The following THSD7A variants were observed in gnomAD, a reference collection of about 807,000 sequenced individuals.
THSD7A encodes the protein thrombospondin type-1 domain-containing protein 7A.
In THSD7A, 96 loss-of-function variants were observed where a neutral mutation model predicts 231.3. The ratio of observed to expected loss-of-function variants is 0.41; its 90% CI spans 0.35 to 0.49. The LOEUF (loss-of-function observed/expected upper bound fraction) is 0.49. Ranked by LOEUF, THSD7A falls within the 20% of genes least tolerant of loss-of-function variation. The pLI is 0.05. For missense variants in THSD7A, 2,290 were observed against 2,070.2 expected, an observed-to-expected ratio of 1.11 and a Z score of -2.06; for synonymous variants, 940 against 743.3, an observed-to-expected ratio of 1.26 and a Z score of -4.30.
chr7:11,570,940 G>C (rs1790601271), intron 4 of THSD7A, among the ~76,000 whole-genome samples: 1 of 152,146 alleles, frequency 6.6e-6, no homozygotes, highest in Non-Finnish European at 1.5e-5. Context: ...TTTAATTCTT[G>C]TATTCTTATT....
At chr7:11,725,338 T>C (rs536329919) in intron 1 of THSD7A, among the ~76,000 whole-genome samples, 2 of 152,106 alleles carry the variant, frequency 1.3e-5, no homozygotes, top group East Asian at 3.9e-4. Context: ...CTGAGCTTGC[T>C]TATGCTTTGA....
At chr7:11,723,205 T>C (rs1183761291) in intron 1 of THSD7A, among the ~76,000 whole-genome samples, 2 of 151,716 alleles carry the variant, frequency 1.3e-5, no homozygotes, top group Admixed American at 1.3e-4. Context: ...AAACCATCAT[T>C]CTCAGCAAAC....
chr7:11,545,546 C>A (rs1403200834), intron 4 of THSD7A, among the ~76,000 whole-genome samples: 2 of 152,102 alleles, frequency 1.3e-5, no homozygotes, highest in Admixed American at 6.5e-5. Flanking sequence ...AGAGGGAGAA[C>A]ATAGAACCTG....
chr7:11,393,062 G>GTA (rs1783046568), intron 23 of THSD7A, among the ~76,000 whole-genome samples: 1 of 152,224 alleles, frequency 6.6e-6, no homozygotes, highest in African/African-American at 2.4e-5. Flanking sequence ...CTCTCCCGAA[G>GTA]TGGGTCCCTG....
rs553004134 is a variant in THSD7A, at chr7:11,731,381, G to T, written c.191-94420C>A. ...CAGAAAATAGATTCTTCTTAATAAG[G>T]TCTTATTAACTTGGAAGAGATTTGT... is the stretch of plus-strand genomic sequence containing the variant. On this transcript the variant is annotated intron_variant, in intron 1 of 27. Coordinates refer to ENST00000423059, the MANE Select transcript of THSD7A (RefSeq NM_015204.3). 4.6e-5 allele frequency among the ~76,000 whole-genome samples: 7 copies of T among 151,614 alleles called. No individual in the cohort carries two copies. The East Asian group carries it at 1.4e-3, about 30-fold the overall frequency.
chr7:11,776,370 A>G, intron 1 of THSD7A, among the ~76,000 whole-genome samples: 1 of 152,234 alleles, frequency 6.6e-6, no homozygotes, highest in East Asian at 1.9e-4. Context: ...CTGTGACTAC[A>G]ATGCCTGCAA....
At chr7:11,777,445 AC>A (rs1583282249) in intron 1 of THSD7A, among the ~76,000 whole-genome samples, 1 of 123,516 alleles carries the variant, frequency 8.1e-6, no homozygotes, top group East Asian at 3.5e-4. Context: ...ACACACACAC[AC>A]ACACACACAC....
rs572350965 is a variant in THSD7A, at chr7:11,585,854, C to A, written c.1453+4606G>T. Among the ~76,000 whole-genome samples the A allele has an allele frequency of 2.0e-5, 3 of 152,206 alleles. No homozygotes were observed. In the East Asian group the frequency reaches 5.8e-4, roughly 29 times the overall value. ...ACATCTCTGAGGCATGTGAGCAAAC[C>A]AAAATACCCAGAGAAAACCCATGCA... is the stretch of plus-strand genomic sequence containing the variant. On this transcript the variant is annotated intron_variant, in intron 4 of 27. Coordinates refer to ENST00000423059, the MANE Select transcript of THSD7A (RefSeq NM_015204.3).
In THSD7A at chr7:11,615,456, C is replaced by G. The variant is rs117300977; in HGVS notation, c.1022+20674G>C. 3.9e-3 allele frequency among the ~76,000 whole-genome samples: 591 copies of G among 152,314 alleles called. 4 individuals carry two copies. Among genetic ancestry groups the G allele is most frequent in the South Asian group, 0.024 (118 of 4,826 alleles). On this transcript the variant is annotated intron_variant, in intron 2 of 27. Transcript: ENST00000423059. ...CCTTGACTCCCCCAGGAATTCTGCA[C>G]TCTGCCTATCCTCAGTAATAAACCC...
intron 6 of THSD7A, among the ~76,000 whole-genome samples, chr7:11,533,336 G>C (rs1392930195): frequency 6.6e-6 from 1 of 152,074 alleles, no homozygotes; most frequent in Non-Finnish European, 1.5e-5. Context: ...AGCTCAGAAT[G>C]AAAGAATCAA....
chr7:11,656,373 A>G (rs1016938717), intron 1 of THSD7A, among the ~76,000 whole-genome samples: 3 of 151,876 alleles, frequency 2.0e-5, no homozygotes, highest in Non-Finnish European at 4.4e-5. Context: ...GTGGGCATTC[A>G]CTACCAAATG....
intron 1 of THSD7A, among the ~76,000 whole-genome samples, chr7:11,771,073 T>G (rs1783213361): frequency 3.3e-5 from 5 of 151,066 alleles, no homozygotes; most frequent in Admixed American, 1.3e-4. Flanking sequence ...CATAGATCAA[T>G]TTTTCAACTT....
intron 26 of THSD7A, chr7:11,378,173 T>C (rs1562559762): frequency 1.3e-5 from 2 of 152,210 alleles, no homozygotes; most frequent in Non-Finnish European, 2.9e-5. Context: ...GTGCTAGCTA[T>C]GCAGATTCCT....
At chr7:11,417,072 A>C (rs1472912731) in intron 17 of THSD7A, among the ~76,000 whole-genome samples, 1 of 152,244 alleles carries the variant, frequency 6.6e-6, no homozygotes, top group African/African-American at 2.4e-5. Flanking sequence ...GCAATGGATG[A>C]GAATAACCTG....
At chr7:11,716,825 C>T (rs375633888) in intron 1 of THSD7A, among the ~76,000 whole-genome samples, 19 of 151,512 alleles carry the variant, frequency 1.3e-4, no homozygotes, top group East Asian at 3.9e-4. Context: ...TGCTTTTATA[C>T]TACTACTACT....
intron 1 of THSD7A, chr7:11,751,366 A>G (rs1471078978): frequency 6.6e-6 from 1 of 152,048 alleles, no homozygotes; most frequent in Non-Finnish European, 1.5e-5. Context: ...CATCAACACT[A>G]GAAAAAGTGT....
At chr7:11,573,194 T>C (rs533736836) in intron 4 of THSD7A, among the ~76,000 whole-genome samples, 3 of 152,298 alleles carry the variant, frequency 2.0e-5, no homozygotes, top group South Asian at 4.1e-4. Context: ...GTGCTACCTA[T>C]ACTATCACCT....
chr7:11,563,532 G>A (rs752338368), intron 4 of THSD7A, among the ~76,000 whole-genome samples: 3 of 151,870 alleles, frequency 2.0e-5, no homozygotes, highest in Non-Finnish European at 2.9e-5. Flanking sequence ...GCTGATTTTT[G>A]TATTTTTTTA....
At chr7:11,723,660 T>C (rs1359256371) in intron 1 of THSD7A, among the ~76,000 whole-genome samples, 2 of 151,874 alleles carry the variant, frequency 1.3e-5, no homozygotes, top group African/African-American at 4.8e-5. Context: ...TCTCCTTTGC[T>C]TGAATATATT....
Sources: gnomAD v4.1 joint callset for allele counts (sites outside exome capture counted in the v4.1 genomes callset) on GRCh38, gnomAD v4.1.1 for gene constraint, MANE v1.5 for transcripts, NCBI Gene and HGNC (gene_info 2026-07-23, HGNC 2026-07-21) for gene names.